Variants in LARP4B observed in about 807,000 individuals in gnomAD.
LARP4B encodes la-related protein 4B.
Under a neutral mutation model 89.8 loss-of-function variants are expected in LARP4B, and 12 were observed. That is an observed-to-expected ratio of 0.13 (90% CI 0.09 to 0.22). LARP4B has a LOEUF of 0.22. LARP4B is among the 10% of genes least tolerant of loss of function. The pLI, the probability that LARP4B is intolerant of heterozygous loss-of-function variation, is 1.00. For synonymous variants in LARP4B, 367 were observed against 363.3 expected (o/e 1.01, Z -0.12); for missense variants, 757 against 947.7 (o/e 0.80, Z 2.64).
At chr10:934,049 G>C (rs1198111966), upstream of LARP4B, among the ~76,000 whole-genome samples, 2 of 151,752 alleles carry the variant, frequency 1.3e-5, no homozygotes, top group African/African-American at 4.8e-5. Flanking sequence ...AGCCAGAATG[G>C]TCTTGATCTC....
At chr10:885,581 A>C (rs1272124580) in intron 2 of LARP4B, 60 bp downstream of exon 2, 2 of 1,249,758 alleles carry the variant, frequency 1.6e-6, no homozygotes, top group African/African-American at 3.0e-5. Context: ...TAACTCCAAT[A>C]TAGAGTCCTT....
the LARP4B span, among the ~76,000 whole-genome samples, chr10:949,596 A>C: frequency 6.6e-6 from 1 of 151,908 alleles, no homozygotes. Flanking sequence ...CCCCGTCCTC[A>C]CCCACGTGCC....
At chr10:837,511 G>A (rs1396577472) in intron 7 of LARP4B, among the ~76,000 whole-genome samples, 1 of 152,096 alleles carries the variant, frequency 6.6e-6, no homozygotes, top group African/African-American at 2.4e-5. Flanking sequence ...CATTTACAAG[G>A]GCCACAGCAA....
the LARP4B span, among the ~76,000 whole-genome samples, chr10:977,185 G>A: frequency 6.6e-6 from 1 of 151,918 alleles, no homozygotes; most frequent in African/African-American, 2.4e-5. Flanking sequence ...ACAGGGTCTG[G>A]CTCTGTCGCC....
intron 1 of LARP4B, among the ~76,000 whole-genome samples, chr10:912,867 C>G (rs551684941): frequency 6.6e-6 from 1 of 152,206 alleles, no homozygotes; most frequent in East Asian, 1.9e-4. Context: ...CCATCAAAAA[C>G]AAAAACACAA....
intron 1 of LARP4B, among the ~76,000 whole-genome samples, chr10:928,429 A>AT (rs1837212848): frequency 6.6e-6 from 1 of 152,244 alleles, no homozygotes. Flanking sequence ...TGACAATGAA[A>AT]TAACAGTGAA....
At chr10:964,781 G>A in the LARP4B span, among the ~76,000 whole-genome samples, 1 of 152,188 alleles carries the variant, frequency 6.6e-6, no homozygotes, top group African/African-American at 2.4e-5. Flanking sequence ...TGACTGTGGG[G>A]TGCCGGGGCT....
chr10:958,125 G>C, the LARP4B span, among the ~76,000 whole-genome samples: 2 of 152,154 alleles, frequency 1.3e-5, no homozygotes, highest in African/African-American at 4.8e-5. Context: ...CGTAACTGTG[G>C]TATGTTCCTA....
intron 3 of LARP4B, among the ~76,000 whole-genome samples, chr10:871,867 T>C (rs1835218184): frequency 6.6e-6 from 1 of 152,180 alleles, no homozygotes; most frequent in Non-Finnish European, 1.5e-5. Context: ...TAGAGTTATT[T>C]TCTCTCTCCT....
chr10:851,255 C>T (rs1834036237), intron 5 of LARP4B, among the ~76,000 whole-genome samples: 1 of 147,740 alleles, frequency 6.8e-6, no homozygotes, highest in African/African-American at 2.5e-5. Context: ...GCGATCCTGG[C>T]TCACTGCAAC....
intron 1 of LARP4B, among the ~76,000 whole-genome samples, chr10:907,413 T>A (rs564331153): frequency 6.6e-6 from 1 of 152,328 alleles, no homozygotes; most frequent in Admixed American, 6.5e-5. Flanking sequence ...TTACTTTGAG[T>A]TAATTTTCAT....
In LARP4B at chr10:825,172, T is replaced by A. The variant is rs758124632; in HGVS notation, c.1377A>T (p.Gln459His). Residue 459 changes from glutamine (Q) to histidine (H), a missense_variant, in exon 13 of 18, where the codon CAA becomes CAT. Coordinates refer to ENST00000316157, the MANE Select transcript of LARP4B (RefSeq NM_015155.3). ...VRSPQTRQAG[Q>H]TRTRIQNPSA... ...AAGGGTTTTGAATCCGTGTTCTAGT[T>A]TGACCTGCTTGCCTTGTTTGTGGAC... 2 of 1,614,222 alleles carry A rather than the reference T, an allele frequency of 1.2e-6. No individual in the cohort carries two copies. The highest frequency in any genetic ancestry group is 1.7e-6 in the Non-Finnish European group (2 of 1,180,050).
intron 5 of LARP4B, among the ~76,000 whole-genome samples, chr10:850,896 AAG>A (rs1293797296): frequency 6.6e-6 from 1 of 152,194 alleles, no homozygotes; most frequent in East Asian, 1.9e-4. Context: ...AAAATCAAAA[AAG>A]AAATACAGTA....
intron 3 of LARP4B, among the ~76,000 whole-genome samples, chr10:866,851 T>C (rs1418733704): frequency 1.3e-5 from 2 of 152,194 alleles, no homozygotes; most frequent in Non-Finnish European, 2.9e-5. Flanking sequence ...CAACAGCACT[T>C]TGAAAGCAGT....
At chr10:919,957 T>A (rs1348947516) in intron 1 of LARP4B, among the ~76,000 whole-genome samples, 2 of 152,238 alleles carry the variant, frequency 1.3e-5, no homozygotes, top group African/African-American at 4.8e-5. Context: ...GGATTAAGGT[T>A]AATGGATTAT....
intron 13 of LARP4B, among the ~76,000 whole-genome samples, chr10:821,526 T>A (rs1015762055): frequency 6.6e-5 from 10 of 152,256 alleles, no homozygotes; most frequent in African/African-American, 2.4e-4. Flanking sequence ...GACTCTAGGA[T>A]GGCCAAGACA....
chr10:877,011 T>G (rs999195593), intron 3 of LARP4B, among the ~76,000 whole-genome samples: 14 of 152,134 alleles, frequency 9.2e-5, no homozygotes, highest in Non-Finnish European at 1.6e-4. Context: ...AAGCAGCAGC[T>G]GAGGTGACTA....
chr10:917,604 T>A (rs748241504), intron 1 of LARP4B, among the ~76,000 whole-genome samples: 53 of 152,216 alleles, frequency 3.5e-4, no homozygotes, highest in Admixed American at 2.0e-3. Context: ...GTTCCTGATG[T>A]GCAGCAAGTA....
At chr10:949,209 C>T in the LARP4B span, among the ~76,000 whole-genome samples, 3 of 150,800 alleles carry the variant, frequency 2.0e-5, no homozygotes, top group Admixed American at 1.3e-4. Flanking sequence ...ATCTCCAACC[C>T]GTTTTCCAGG....
Sources: allele counts gnomAD v4.1 joint callset (sites outside exome capture counted in the v4.1 genomes callset), GRCh38; gene constraint gnomAD v4.1.1; transcripts MANE v1.5; gene names NCBI Gene and HGNC (gene_info 2026-07-23, HGNC 2026-07-21).